The following NRXN3 variants were observed in gnomAD, a reference collection of about 807,000 sequenced individuals.
The protein encoded by NRXN3 is neurexin III.
NRXN3 carries 32 observed loss-of-function variants against 137.6 expected under a neutral mutation model. The observed-to-expected ratio is 0.23, with a 90% CI of 0.18 to 0.31. NRXN3 has a LOEUF of 0.31. NRXN3 is among the 10% of genes least tolerant of loss of function. The pLI, the probability that NRXN3 is intolerant of heterozygous loss-of-function variation, is 1.00. For synonymous variants in NRXN3, 798 were observed against 784.5 expected (o/e 1.02, Z -0.29); for missense variants, 1,574 against 2,062.5 (o/e 0.76, Z 4.59).
chr14:78,862,535 G>A (rs1340995901), intron 10 of NRXN3, among the ~76,000 whole-genome samples: 2 of 152,030 alleles, frequency 1.3e-5, no homozygotes, highest in Admixed American at 1.3e-4. Context: ...AATTAAATTT[G>A]TTGTATGGTC....
chr14:78,408,733 G>A (rs767930131), intron 4 of NRXN3, among the ~76,000 whole-genome samples: 39 of 152,200 alleles, frequency 2.6e-4, no homozygotes, highest in Non-Finnish European at 4.0e-4. Flanking sequence ...GAGGGTGATG[G>A]TTTTCAAAGC....
At chr14:79,068,754 A>G (rs146641542) in intron 15 of NRXN3, among the ~76,000 whole-genome samples, 1 of 152,242 alleles carries the variant, frequency 6.6e-6, no homozygotes, top group East Asian at 1.9e-4. Flanking sequence ...ATAAATATGT[A>G]GTTTAATAAT....
intron 3 of NRXN3, among the ~76,000 whole-genome samples, chr14:78,289,970 GT>G (rs1189958425): frequency 1.3e-5 from 2 of 152,202 alleles, no homozygotes; most frequent in Non-Finnish European, 2.9e-5. Flanking sequence ...TCTTACATGA[GT>G]TTTTTACAAA....
chr14:78,874,313 G>A (rs933162719), intron 10 of NRXN3, among the ~76,000 whole-genome samples: 1 of 152,030 alleles, frequency 6.6e-6, no homozygotes, highest in Non-Finnish European at 1.5e-5. Flanking sequence ...GAACCTTGAA[G>A]GGGATTATTT....
intron 15 of NRXN3, among the ~76,000 whole-genome samples, chr14:79,424,742 AAAGGG>A (rs2095629113): frequency 6.6e-6 from 1 of 152,288 alleles, no homozygotes; most frequent in Middle Eastern, 3.4e-3. Flanking sequence ...CTTTCTTTAC[AAAGGG>A]GTATGTAAAA....
intron 4 of NRXN3, among the ~76,000 whole-genome samples, chr14:78,443,011 A>G (rs1267344791): frequency 6.6e-6 from 1 of 152,202 alleles, no homozygotes; most frequent in African/African-American, 2.4e-5. Flanking sequence ...GGGCTTGTGT[A>G]TGACCATACA....
intron 15 of NRXN3, among the ~76,000 whole-genome samples, chr14:79,160,562 T>G (rs2060666855): frequency 6.6e-6 from 1 of 151,958 alleles, no homozygotes; most frequent in Non-Finnish European, 1.5e-5. Context: ...GCTGGGTGGA[T>G]AGCTGTTCTT....
intron 15 of NRXN3, among the ~76,000 whole-genome samples, chr14:79,229,024 G>C (rs1482638414): frequency 6.6e-6 from 1 of 152,074 alleles, no homozygotes; most frequent in Non-Finnish European, 1.5e-5. Flanking sequence ...AACCCAGAGA[G>C]GTTAAGGAAG....
chr14:78,715,160 G>T lies in NRXN3; in HGVS notation c.2044+21G>T. 4 of 1,594,162 alleles carry T rather than the reference G, an allele frequency of 2.5e-6. No homozygotes were observed. In the South Asian group the frequency reaches 4.4e-5, roughly 18 times the overall value. On this transcript the variant is annotated intron_variant, in intron 8 of 20. Coordinates refer to ENST00000335750, the MANE Select transcript of NRXN3 (RefSeq NM_001330195.2). ...AAGGGGTGAGTCGGCCTAGAGGATG[G>T]CAAGTGAGGGCCTGAGTGGGGCTGA...
intron 1 of NRXN3, among the ~76,000 whole-genome samples, chr14:78,217,783 T>G (rs1266244397): frequency 6.6e-6 from 1 of 152,198 alleles, no homozygotes; most frequent in Non-Finnish European, 1.5e-5. Context: ...TGCCTCAGCC[T>G]CCCAAGTAGC....
At chr14:78,393,019 G>A (rs1219411561) in intron 4 of NRXN3, among the ~76,000 whole-genome samples, 1 of 152,128 alleles carries the variant, frequency 6.6e-6, no homozygotes, top group African/African-American at 2.4e-5. Context: ...CTGATGATGA[G>A]TTAGGAGAAA....
intron 19 of NRXN3, among the ~76,000 whole-genome samples, chr14:79,717,472 A>G (rs1567993646): frequency 1.3e-5 from 2 of 152,210 alleles, no homozygotes; most frequent in South Asian, 4.1e-4. Context: ...TCTTCAGGAA[A>G]AGCAATCAGT....
chr14:79,748,844 A>G (rs2098987936), intron 19 of NRXN3, among the ~76,000 whole-genome samples: 1 of 152,012 alleles, frequency 6.6e-6, no homozygotes, highest in African/African-American at 2.4e-5. Context: ...AGAGAGAAGG[A>G]ACCTGTTTTC....
intron 4 of NRXN3, among the ~76,000 whole-genome samples, chr14:78,584,657 T>G (rs765348754): frequency 6.6e-6 from 1 of 152,204 alleles, no homozygotes; most frequent in Non-Finnish European, 1.5e-5. Context: ...GCTTTGGGAG[T>G]CATCTGTTGA....
intron 4 of NRXN3, among the ~76,000 whole-genome samples, chr14:78,353,048 G>A (rs1464658959): frequency 1.3e-5 from 2 of 152,156 alleles, no homozygotes; most frequent in Non-Finnish European, 2.9e-5. Context: ...CCTGCAAAAG[G>A]GGTAAAATTC....
chr14:79,237,351 G>A, intron 15 of NRXN3, among the ~76,000 whole-genome samples: 1 of 152,094 alleles, frequency 6.6e-6, no homozygotes, highest in Non-Finnish European at 1.5e-5. Flanking sequence ...GGCGGTACAG[G>A]GGAGATGATG....
chr14:79,266,034 G>C (rs1181129209), intron 15 of NRXN3, among the ~76,000 whole-genome samples: 1 of 152,154 alleles, frequency 6.6e-6, no homozygotes, highest in Non-Finnish European at 1.5e-5. Context: ...TTATTCCAAA[G>C]CTGTGTAGCT....
intron 17 of NRXN3, among the ~76,000 whole-genome samples, chr14:79,675,146 G>A (rs78613139): frequency 1.3e-5 from 2 of 152,008 alleles, no homozygotes; most frequent in Admixed American, 6.6e-5. Flanking sequence ...ACATTTGGAT[G>A]TAGACAGGGA....
Position 79,695,710 on chromosome 14 carries a change from T to G in NRXN3, c.3707-1920T>G, listed in dbSNP as rs189072219. Among the ~76,000 whole-genome samples the G allele has an allele frequency of 1.4e-4, 21 of 151,522 alleles. No homozygotes were observed. The East Asian group carries it at 4.1e-3, about 29-fold the overall frequency. ...ATGAACTCCAGCATATTACTTAGTATTATTATGCATTGAACTTTCTGCTGT... is the reference window on the plus strand; with the variant it reads ...ATGAACTCCAGCATATTACTTAGTAGTATTATGCATTGAACTTTCTGCTGT... On this transcript the variant is annotated intron_variant, in intron 18 of 20. Transcript: ENST00000335750.
Sources: gnomAD v4.1 joint callset for allele counts (sites outside exome capture counted in the v4.1 genomes callset) on GRCh38, gnomAD v4.1.1 for gene constraint, MANE v1.5 for transcripts, NCBI Gene and HGNC (gene_info 2026-07-23, HGNC 2026-07-21) for gene names.